The following ENTHD1 variants were observed in gnomAD, a reference collection of about 807,000 sequenced individuals.
The protein encoded by ENTHD1 is ENTH domain-containing protein 1.
A neutral mutation model predicts 39.1 loss-of-function variants in ENTHD1; 23 were observed. The observed-to-expected ratio is 0.59, with a 90% confidence interval of 0.42 to 0.83. The LOEUF is 0.83. Ranked by LOEUF, ENTHD1 falls within the 40% of genes least tolerant of loss-of-function variation. The probability of loss-of-function intolerance (pLI) is 0.00; values close to 1 mark genes in which losing one functional copy is unlikely to be tolerated. For synonymous variants in ENTHD1, 230 were observed against 258.2 expected (o/e 0.89, Z 1.05); for missense variants, 624 against 705.4 (o/e 0.88, Z 1.31).
intron 5 of ENTHD1, among the ~76,000 whole-genome samples, chr22:39,786,404 A>G (rs1403948896): frequency 6.6e-6 from 1 of 152,048 alleles, no homozygotes; most frequent in Admixed American, 6.6e-5. Flanking sequence ...CCTCTTAGCA[A>G]TTTTCAAGTA....
chr22:39,889,557 C>G (rs199699316), intron 1 of ENTHD1, among the ~76,000 whole-genome samples: 1 of 152,156 alleles, frequency 6.6e-6, no homozygotes, highest in East Asian at 1.9e-4. Context: ...AGAAACTGCA[C>G]ACATACAAAA....
At chr22:39,866,896 G>T (rs898747547) in intron 2 of ENTHD1, among the ~76,000 whole-genome samples, 1 of 152,130 alleles carries the variant, frequency 6.6e-6, no homozygotes, top group African/African-American at 2.4e-5. Flanking sequence ...ATGCTGAGGA[G>T]AAATCTACAT....
At chr22:39,848,760 A>C (rs893932373) in intron 3 of ENTHD1, among the ~76,000 whole-genome samples, 1 of 152,096 alleles carries the variant, frequency 6.6e-6, no homozygotes, top group African/African-American at 2.4e-5. Context: ...ATTCATAAAC[A>C]CTTTTAAAAA....
intron 1 of ENTHD1, among the ~76,000 whole-genome samples, chr22:39,890,766 A>G (rs1342891352): frequency 6.6e-6 from 1 of 152,168 alleles, no homozygotes; most frequent in Non-Finnish European, 1.5e-5. Flanking sequence ...CATTAGAAAA[A>G]TCGCAAGGAA....
intron 2 of ENTHD1, chr22:39,876,152 T>C (rs2082979614): frequency 9.1e-6 from 14 of 1,537,582 alleles, no homozygotes; most frequent in Non-Finnish European, 1.1e-5. Flanking sequence ...TTTCAGTCTT[T>C]ATGTCACCTC....
rs1478968750 is a variant in ENTHD1 at position 39,867,051 on chromosome 22, C to T, written c.350-5044G>A. 2.6e-5 allele frequency among the ~76,000 whole-genome samples: 4 copies of T among 152,028 alleles called. No individual in the cohort carries two copies. The highest frequency in any genetic ancestry group is 6.6e-5 in the Admixed American group (1 of 15,262). On this transcript the variant is annotated intron_variant, in intron 2 of 6. Transcript: ENST00000325157. This position sits in a 1 kb window ranked among gnomAD's most constrained non-coding sequence, Gnocchi z 4.5. The stretch of plus-strand genomic sequence containing the variant: ...CGGAGTAGCTGGGACTACAGGCGCC[C>T]GCCACCAGGCCCGGCTAATTTTTTT...
intron 5 of ENTHD1, among the ~76,000 whole-genome samples, chr22:39,788,933 A>G (rs1376618285): frequency 6.6e-6 from 1 of 152,210 alleles, no homozygotes; most frequent in Admixed American, 6.5e-5. Flanking sequence ...TATTTTACAT[A>G]TAATGCTACT....
In ENTHD1 at chr22:39,867,912, A is replaced by C. The variant is rs1038023008; in HGVS notation, c.350-5905T>G. Among the ~76,000 whole-genome samples the C allele has an allele frequency of 3.3e-5, 5 of 151,844 alleles. No homozygotes were observed. The highest frequency in any genetic ancestry group is 9.7e-5 in the African/African-American group (4 of 41,312). ...TGCCAGTCTCAAAAACAAGATAAAA[A>C]CCCCCACGAAGCAGAAATATAACAG... On this transcript the variant is annotated intron_variant, in intron 2 of 6. Coordinates refer to ENST00000325157, the MANE Select transcript of ENTHD1 (RefSeq NM_152512.4). This position sits in a 1 kb window ranked among gnomAD's most constrained non-coding sequence, Gnocchi z 4.5.
intron 5 of ENTHD1, among the ~76,000 whole-genome samples, chr22:39,807,288 C>T (rs748204089): frequency 7.9e-5 from 12 of 152,122 alleles, no homozygotes; most frequent in Non-Finnish European, 1.0e-4. Flanking sequence ...GTTTTTCAGA[C>T]GCAATAAAAA....
chr22:39,810,520 G>A (rs181567446), intron 5 of ENTHD1, among the ~76,000 whole-genome samples: 3 of 152,260 alleles, frequency 2.0e-5, no homozygotes, highest in East Asian at 1.9e-4. Flanking sequence ...AGGCAGAACC[G>A]CTATAATTAT....
chr22:39,784,061 G>T (rs959815947), intron 5 of ENTHD1, among the ~76,000 whole-genome samples: 25 of 151,644 alleles, frequency 1.6e-4, no homozygotes, highest in African/African-American at 6.0e-4. Context: ...AGCAAAAAAA[G>T]ATATGATTAA....
chr22:39,806,555 T>A (rs2065642372), intron 5 of ENTHD1, among the ~76,000 whole-genome samples: 1 of 152,210 alleles, frequency 6.6e-6, no homozygotes, highest in Non-Finnish European at 1.5e-5. Flanking sequence ...CTTATTCAGC[T>A]AACAGACATT....
At chr22:39,767,774 A>AT (rs1427888687) in intron 5 of ENTHD1, among the ~76,000 whole-genome samples, 1 of 152,224 alleles carries the variant, frequency 6.6e-6, no homozygotes, top group Non-Finnish European at 1.5e-5. Context: ...AAATCTCAAA[A>AT]TTCAGATGCA....
At chr22:39,879,512 A>G (rs2066319261) in intron 2 of ENTHD1, among the ~76,000 whole-genome samples, 2 of 150,670 alleles carry the variant, frequency 1.3e-5, no homozygotes, top group Admixed American at 1.3e-4. Flanking sequence ...GCAAGTAAGC[A>G]TATGAAAGAT....
chr22:39,878,602 A>G (rs1023118476), intron 2 of ENTHD1, among the ~76,000 whole-genome samples: 5 of 152,138 alleles, frequency 3.3e-5, no homozygotes, highest in African/African-American at 1.2e-4. Flanking sequence ...AAAACTAAGA[A>G]AGTGAAGGAG....
At chr22:39,760,032 G>T (rs946234360) in intron 6 of ENTHD1, among the ~76,000 whole-genome samples, 1 of 151,732 alleles carries the variant, frequency 6.6e-6, no homozygotes, top group Non-Finnish European at 1.5e-5. Context: ...TAATGATGCA[G>T]TATGTGTTCT....
At chr22:39,800,802 T>A (rs945958520) in intron 5 of ENTHD1, among the ~76,000 whole-genome samples, 1 of 152,238 alleles carries the variant, frequency 6.6e-6, no homozygotes, top group Admixed American at 6.5e-5. Context: ...TTAAAAGATA[T>A]CTTTCATCCA....
rs926658842 is a variant in ENTHD1, at chr22:39,765,225, C to T, written c.1217G>A (p.Arg406Gln). The change falls in exon 6 of 7, where the codon CGG becomes CAG. Residue 406 changes from arginine to glutamine, a missense_variant and splice_region_variant. Arg to Gln is a conservative substitution (Grantham distance 43, BLOSUM62 1). Transcript: ENST00000325157. ...MDDKILKTTTRVSTASEGASS... is the reference protein window; with the variant it reads ...MDDKILKTTTQVSTASEGASS... ...GTGTGTGTGTTTGGCAGACTCACCC[C>T]GTGTGGTTGTCTTGAGGATTTTATC... The T allele has an allele frequency of 2.3e-5, 37 of 1,588,998 alleles. No homozygotes were observed. The highest frequency in any genetic ancestry group is 2.7e-5 in the Non-Finnish European group (32 of 1,168,110).
chr22:39,763,860 A>G (rs2065254205), intron 6 of ENTHD1, among the ~76,000 whole-genome samples: 1 of 152,158 alleles, frequency 6.6e-6, no homozygotes, highest in African/African-American at 2.4e-5. Flanking sequence ...TCATGAAATA[A>G]AAAAACCAAA....
Sources: allele counts gnomAD v4.1 joint callset (sites outside exome capture counted in the v4.1 genomes callset), GRCh38; gene constraint gnomAD v4.1.1; non-coding constraint Gnocchi (gnomAD v3.1); transcripts MANE v1.5; gene names NCBI Gene and HGNC (gene_info 2026-07-23, HGNC 2026-07-21).